Variants in ATP6V1A observed in about 807,000 individuals in gnomAD.
ATP6V1A encodes V-type proton ATPase catalytic subunit A.
ATP6V1A carries 18 observed loss-of-function variants against 70.1 expected under a neutral mutation model. The ratio of observed to expected loss-of-function variants is 0.26; its 90% CI spans 0.18 to 0.38. The LOEUF is 0.38. ATP6V1A is among the 10% of genes least tolerant of loss of function. The probability of loss-of-function intolerance (pLI) is 1.00; values close to 1 mark genes in which losing one functional copy is unlikely to be tolerated. For missense variants in ATP6V1A, 424 were observed against 772.4 expected (o/e 0.55, Z 5.35); for synonymous variants, 232 against 253.8 (o/e 0.91, Z 0.82).
chr3:113,786,482 A>G (rs184520163), intron 6 of ATP6V1A, 99 bp downstream of exon 6: 6 of 1,198,378 alleles, frequency 5.0e-6, no homozygotes, highest in African/African-American at 1.5e-5. Flanking sequence ...GTTTAACACT[A>G]TAATACATTT....
chr3:113,771,526 C>T (rs746668256), intron 1 of ATP6V1A, among the ~76,000 whole-genome samples: 12 of 149,650 alleles, frequency 8.0e-5, no homozygotes, highest in African/African-American at 2.7e-4. Context: ...CAAGCTCCGC[C>T]TCCCGGGTTC....
chr3:113,807,835 G>C (rs1709293900), intron 14 of ATP6V1A, among the ~76,000 whole-genome samples: 1 of 151,982 alleles, frequency 6.6e-6, no homozygotes, highest in Non-Finnish European at 1.5e-5. Flanking sequence ...TAGACACTTA[G>C]AAAATTTCCA....
At chr3:113,759,254 C>A (rs1031635782) in intron 1 of ATP6V1A, among the ~76,000 whole-genome samples, 1 of 146,900 alleles carries the variant, frequency 6.8e-6, no homozygotes, top group Admixed American at 6.8e-5. Flanking sequence ...TTAGGTCTAC[C>A]ATCCATTTTT....
intron 1 of ATP6V1A, among the ~76,000 whole-genome samples, chr3:113,777,632 G>C (rs900124529): frequency 6.6e-6 from 1 of 152,120 alleles, no homozygotes; most frequent in Non-Finnish European, 1.5e-5. Context: ...ACACACCTGT[G>C]GTCCCAGGTA....
chr3:113,767,918 T>C (rs1708792453), intron 1 of ATP6V1A, among the ~76,000 whole-genome samples: 1 of 152,186 alleles, frequency 6.6e-6, no homozygotes, highest in African/African-American at 2.4e-5. Context: ...CCCAAAGTGC[T>C]GGGATGTGAG....
At chr3:113,793,816 C>A (rs1412819453) in intron 8 of ATP6V1A, among the ~76,000 whole-genome samples, 1 of 151,884 alleles carries the variant, frequency 6.6e-6, no homozygotes, top group Non-Finnish European at 1.5e-5. Context: ...TTATATAAAC[C>A]TCTGTTTCTT....
At chr3:113,791,055 A>G (rs1030629406) in intron 8 of ATP6V1A, among the ~76,000 whole-genome samples, 2 of 152,014 alleles carry the variant, frequency 1.3e-5, no homozygotes, top group African/African-American at 2.4e-5. Context: ...ATTTTTCTGG[A>G]TACATAATGT....
intron 1 of ATP6V1A, among the ~76,000 whole-genome samples, chr3:113,773,084 C>T (rs1577085713): frequency 2.0e-5 from 3 of 151,656 alleles, no homozygotes; most frequent in East Asian, 3.9e-4. Flanking sequence ...ATTACAGGTG[C>T]GCGACACCAC....
At chr3:113,768,177 T>G in intron 1 of ATP6V1A, among the ~76,000 whole-genome samples, 1 of 152,174 alleles carries the variant, frequency 6.6e-6, no homozygotes, top group East Asian at 1.9e-4. Flanking sequence ...GAATAAGTTT[T>G]TCCTGATTGT....
intron 1 of ATP6V1A, among the ~76,000 whole-genome samples, chr3:113,775,793 A>G (rs893075709): frequency 8.5e-5 from 13 of 152,198 alleles, no homozygotes; most frequent in Admixed American, 7.9e-4. Flanking sequence ...TAGACTGTGT[A>G]TGATTGTCAG....
intron 1 of ATP6V1A, among the ~76,000 whole-genome samples, chr3:113,753,521 G>T (rs1030297621): frequency 2.6e-5 from 4 of 152,112 alleles, no homozygotes; most frequent in African/African-American, 9.7e-5. Flanking sequence ...AATGTTAGTA[G>T]TGGCAAAAAA....
At chr3:113,786,201 A>G (rs758378082) in intron 5 of ATP6V1A, 31 bp from the exon 6 acceptor site, 1 of 1,561,388 alleles carries the variant, frequency 6.4e-7, no homozygotes, top group Admixed American at 1.8e-5. Flanking sequence ...CACAAATTTG[A>G]CCATACTAAA....
intron 1 of ATP6V1A, among the ~76,000 whole-genome samples, chr3:113,765,792 T>C (rs1175224703): frequency 6.8e-6 from 1 of 148,070 alleles, no homozygotes; most frequent in African/African-American, 2.5e-5. Flanking sequence ...ACAGGTGTGG[T>C]AGCACGTACC....
chr3:113,790,719 A>G (rs1026780999), intron 8 of ATP6V1A, among the ~76,000 whole-genome samples: 2 of 152,222 alleles, frequency 1.3e-5, no homozygotes, highest in Non-Finnish European at 2.9e-5. Flanking sequence ...TAATTTCTCC[A>G]TTTCTTGATT....
chr3:113,749,513 ACTAAGAATGCTTTCTT>A (rs1708561596), intron 1 of ATP6V1A, among the ~76,000 whole-genome samples: 1 of 152,128 alleles, frequency 6.6e-6, no homozygotes, highest in African/African-American at 2.4e-5. Context: ...TTTTGCCACC[ACTAAGAATGCTTTCTT>A]CCCCATGGGC....
At chr3:113,806,901 G>A (rs1359634753) in intron 14 of ATP6V1A, among the ~76,000 whole-genome samples, 2 of 152,040 alleles carry the variant, frequency 1.3e-5, no homozygotes, top group African/African-American at 2.4e-5. Context: ...ATTTATTTCT[G>A]TCATGACATC....
At chr3:113,786,189 T>A in intron 5 of ATP6V1A, 43 bp from the exon 6 acceptor site, 3 of 1,527,102 alleles carry the variant, frequency 2.0e-6, no homozygotes, top group Non-Finnish European at 1.8e-6. Flanking sequence ...GGAAGAAATG[T>A]TCACAAATTT....
At chr3:113,772,914 T>C (rs1358355034) in intron 1 of ATP6V1A, among the ~76,000 whole-genome samples, 4 of 150,558 alleles carry the variant, frequency 2.7e-5, no homozygotes, top group Non-Finnish European at 5.9e-5. Flanking sequence ...TCATCATTTT[T>C]TTCTCCACTT....
intron 12 of ATP6V1A, among the ~76,000 whole-genome samples, chr3:113,803,048 G>T (rs1176502488): frequency 6.6e-6 from 1 of 151,990 alleles, no homozygotes; most frequent in Non-Finnish European, 1.5e-5. Context: ...TAAACAAAAT[G>T]TGGTATATAT....
Sources: allele counts gnomAD v4.1 joint callset (sites outside exome capture counted in the v4.1 genomes callset), GRCh38; gene constraint gnomAD v4.1.1; transcripts MANE v1.5; gene names NCBI Gene and HGNC (gene_info 2026-07-23, HGNC 2026-07-21).